OGT: variants seen among roughly 807,000 people sequenced by gnomAD.
The protein encoded by OGT is UDP-N-acetylglucosamine--peptide N-acetylglucosaminyltransferase 110 kDa subunit.
A neutral mutation model predicts 75.8 loss-of-function variants in OGT; 3 were observed. That is an observed-to-expected ratio of 0.04 (90% CI 0.02 to 0.10). OGT has a LOEUF of 0.10. OGT is among the 10% of genes least tolerant of loss of function. OGT has a pLI of 1.00. For synonymous variants in OGT, 257 were observed against 289.7 expected (o/e 0.89, Z 1.15); for missense variants, 260 against 824.4 (o/e 0.32, Z 8.38).
intron 9 of OGT, 73 bp from the exon 10 acceptor site, chrX:71,556,879 C>T (rs990013899): frequency 6.4e-6 from 7 of 1,101,275 alleles, no homozygotes; most frequent in Non-Finnish European, 8.6e-6. Context: ...TAAATAACAA[C>T]GGAATAAGTT....
rs868496942 is a variant in OGT at position 71,574,567 on chromosome X, A to G, written c.*773A>G. The G allele has an allele frequency of 1.8e-5, 2 of 111,023 alleles. No individual in the cohort carries two copies. Among genetic ancestry groups the G allele is most frequent in the African/African-American group, 3.3e-5 (1 of 30,415 alleles). The allele number at this position is 111,023 out of a possible 1,213,427, so 9.1% of individuals were successfully genotyped here. A position where few individuals can be genotyped will look rare whatever the true frequency, so the allele number is the denominator to read the frequency against. ...TTTTAAACACACCATCTGGTGCCAA[A>G]TGAAGATTTTTAGGAGTGATTACTA... On this transcript the variant is annotated 3_prime_UTR_variant, in exon 22 of 22. Transcript: ENST00000373719.
At chrX:71,542,709 T>C (rs985881190) in intron 3 of OGT, among the ~76,000 whole-genome samples, 4 of 112,338 alleles carry the variant, frequency 3.6e-5, no homozygotes, top group African/African-American at 1.3e-4. Flanking sequence ...ACCACAATTA[T>C]CAAGTAGTAG....
chrX:71,566,127 T>C, intron 19 of OGT, among the ~76,000 whole-genome samples: 1 of 112,087 alleles, frequency 8.9e-6, no homozygotes, highest in Non-Finnish European at 1.9e-5. Context: ...ATATCTGTTT[T>C]GTTTTATGTT....
chrX:71,561,534 T>C (rs1332287449), intron 14 of OGT, among the ~76,000 whole-genome samples: 2 of 110,793 alleles, frequency 1.8e-5, no homozygotes, highest in Non-Finnish European at 1.9e-5. Context: ...ATACATTCAA[T>C]CCAGAAGTGA....
At chrX:71,572,447 A>C (rs779778504) in intron 21 of OGT, among the ~76,000 whole-genome samples, 3 of 112,537 alleles carry the variant, frequency 2.7e-5, no homozygotes, top group Non-Finnish European at 5.6e-5. Context: ...GATATGCACA[A>C]CCATTTTACT....
At chrX:71,566,594 A>G (rs1396051498) in intron 19 of OGT, among the ~76,000 whole-genome samples, 1 of 111,954 alleles carries the variant, frequency 8.9e-6, no homozygotes, top group East Asian at 2.8e-4. Context: ...ATTACCTACC[A>G]CTGGGTCCCT....
At chrX:71,550,459 C>G (rs891397591) in intron 5 of OGT, among the ~76,000 whole-genome samples, 3 of 111,495 alleles carry the variant, frequency 2.7e-5, no homozygotes, top group African/African-American at 9.8e-5. Flanking sequence ...TAATAGCTCA[C>G]TGCAACCTCG....
At chrX:71,567,338 A>G (rs1225873001) in intron 19 of OGT, among the ~76,000 whole-genome samples, 162 bp from the exon 20 acceptor site, 1 of 112,073 alleles carries the variant, frequency 8.9e-6, no homozygotes, top group Admixed American at 9.5e-5. Flanking sequence ...GGATAATTCA[A>G]TTGATCTCAT....
intron 12 of OGT, among the ~76,000 whole-genome samples, chrX:71,558,108 A>G (rs2147684691): frequency 9.1e-6 from 1 of 109,622 alleles, no homozygotes; most frequent in East Asian, 2.9e-4. Flanking sequence ...GGCGCATGCC[A>G]CCACACCTAA....
At chrX:71,555,085 A>G in intron 6 of OGT, 105 bp from the exon 7 acceptor site, 5 of 568,917 alleles carry the variant, frequency 8.8e-6, no homozygotes, top group Non-Finnish European at 1.4e-5. Context: ...TTGATATAGT[A>G]CAGCTTGAAT....
intron 6 of OGT, among the ~76,000 whole-genome samples, chrX:71,554,936 C>G (rs1715276298): frequency 9.0e-6 from 1 of 111,728 alleles, no homozygotes; most frequent in Admixed American, 9.5e-5. Context: ...TTGTTGTTGT[C>G]AAAGGAAAGC....
Position 71,564,584 on chromosome X carries a change from T to C in OGT, c.2437-17T>C, listed in dbSNP as rs182486270. On this transcript the variant is annotated splice_polypyrimidine_tract_variant and intron_variant, in intron 18 of 21. Transcript: ENST00000373719. ...CTTTTGCCTTTAAATATAACCATCA[T>C]TTTTTTCTTGTTCTAGATCAACAAT... 6 of 1,187,256 alleles carry C rather than the reference T, an allele frequency of 5.1e-6. No individual in the cohort carries two copies. In the African/African-American group the frequency reaches 8.9e-5, roughly 18 times the overall value.
rs762122488 is a variant in OGT, at chrX:71,555,923, C to T, written c.925-31C>T. ...TCAGTGGAGGCTTTATGATTCTGTA[C>T]AGTTTTTGAAGACTTTGTTTTGTTT... is the stretch of plus-strand genomic sequence containing the variant. On this transcript the variant is annotated intron_variant, in intron 7 of 21. Transcript: ENST00000373719. 9 of 1,202,843 alleles carry T rather than the reference C, an allele frequency of 7.5e-6. No homozygotes were observed. The South Asian group carries it at 1.4e-4, about 19-fold the overall frequency.
intron 2 of OGT, chrX:71,536,642 A>T (rs768672549): frequency 2.6e-4 from 57 of 222,353 alleles, no homozygotes; most frequent in Non-Finnish European, 4.0e-4. Context: ...ATTATTATCA[A>T]TGTATATCTG....
chrX:71,561,650 C>T, intron 14 of OGT, 125 bp from the exon 15 acceptor site: 2 of 535,084 alleles, frequency 3.7e-6, no homozygotes, highest in Non-Finnish European at 5.6e-6. Flanking sequence ...GTTCTTACCT[C>T]TTTTCCATCT....
At chrX:71,560,417 T>C (rs964740466) in intron 14 of OGT, among the ~76,000 whole-genome samples, 4 of 111,258 alleles carry the variant, frequency 3.6e-5, no homozygotes, top group Non-Finnish European at 7.5e-5. Context: ...AAATTAAGAT[T>C]GAAACCTATG....
intron 21 of OGT, among the ~76,000 whole-genome samples, chrX:71,568,835 A>T (rs1452239092): frequency 4.6e-5 from 5 of 109,150 alleles, no homozygotes; most frequent in Non-Finnish European, 7.6e-5. Flanking sequence ...CTCAAAAACA[A>T]AAACAAAAAC....
chrX:71,550,899 G>C (rs1015043302), intron 5 of OGT, among the ~76,000 whole-genome samples: 2 of 110,741 alleles, frequency 1.8e-5, no homozygotes, highest in Admixed American at 9.7e-5. Flanking sequence ...GGCTTGGGGG[G>C]GTGGAGGAGG....
chrX:71,555,936 C>CTT lies in OGT; in HGVS notation c.925-16_925-15dup, dbSNP rs1175457846. The CTT allele has an allele frequency of 8.3e-7, 1 of 1,207,856 alleles. No homozygotes were observed. The highest frequency in any genetic ancestry group is 3.0e-5 in the East Asian group (1 of 33,771). On this transcript the variant is annotated splice_polypyrimidine_tract_variant and intron_variant, in intron 7 of 21. Coordinates refer to ENST00000373719, the MANE Select transcript of OGT (RefSeq NM_181672.3). ...TATGATTCTGTACAGTTTTTGAAGA[C>CTT]TTTGTTTTGTTTTCTAGGTTGCTGA... is the stretch of plus-strand genomic sequence containing the variant.
Sources: allele counts gnomAD v4.1 joint callset (sites outside exome capture counted in the v4.1 genomes callset), GRCh38; gene constraint gnomAD v4.1.1; transcripts MANE v1.5; gene names NCBI Gene and HGNC (gene_info 2026-07-23, HGNC 2026-07-21).